RASSF8: variants seen among roughly 807,000 people sequenced by gnomAD.
RASSF8 encodes the protein Ras association domain family member 8.
Under a neutral mutation model 48.5 loss-of-function variants are expected in RASSF8, and 22 were observed. The observed-to-expected ratio is 0.45, with a 90% CI of 0.32 to 0.65. RASSF8 has a LOEUF of 0.65. Among genes scored for constraint, RASSF8 ranks in the 30% least tolerant of loss-of-function variants. RASSF8 has a pLI of 0.03. For missense variants in RASSF8, 418 were observed against 489.2 expected (o/e 0.85, Z 1.37); for synonymous variants, 127 against 171.5 (o/e 0.74, Z 2.03).
chr12:25,971,056 A>C (rs1158279816), intron 1 of RASSF8, among the ~76,000 whole-genome samples: 1 of 152,172 alleles, frequency 6.6e-6, no homozygotes, highest in Non-Finnish European at 1.5e-5. Flanking sequence ...TAAACAACTA[A>C]GCTTCTGAGA....
chr12:26,018,686 G>A (rs1301540149), intron 2 of RASSF8, among the ~76,000 whole-genome samples: 2 of 152,186 alleles, frequency 1.3e-5, no homozygotes, highest in Non-Finnish European at 2.9e-5. Context: ...GAGGAAAGAG[G>A]ATGAATACTG....
At chr12:26,025,613 CTG>C (rs1942894511) in intron 2 of RASSF8, among the ~76,000 whole-genome samples, 1 of 150,086 alleles carries the variant, frequency 6.7e-6, no homozygotes, top group Non-Finnish European at 1.5e-5. Flanking sequence ...AGAACTAACT[CTG>C]TTTGCAGAGA....
chr12:26,000,284 C>A (rs1291708327), intron 2 of RASSF8, among the ~76,000 whole-genome samples: 1 of 151,890 alleles, frequency 6.6e-6, no homozygotes, highest in Non-Finnish European at 1.5e-5. Context: ...AATACATATA[C>A]TAGAAAAGAG....
intron 2 of RASSF8, among the ~76,000 whole-genome samples, chr12:25,999,155 A>G (rs1592249081): frequency 6.6e-6 from 1 of 152,146 alleles, no homozygotes; most frequent in Non-Finnish European, 1.5e-5. Context: ...AGGTTTACCT[A>G]CCTAAACTAG....
chr12:26,007,080 T>C (rs1208816369), intron 2 of RASSF8, among the ~76,000 whole-genome samples: 1 of 150,900 alleles, frequency 6.6e-6, no homozygotes, highest in Non-Finnish European at 1.5e-5. Context: ...GCTTTAGGGG[T>C]GGCAAGTGAG....
intron 2 of RASSF8, among the ~76,000 whole-genome samples, chr12:26,012,100 T>G (rs1281922725): frequency 6.6e-6 from 1 of 152,212 alleles, no homozygotes; most frequent in Non-Finnish European, 1.5e-5. Flanking sequence ...TTAGTTAAAG[T>G]TCTGGTTCCA....
intron 1 of RASSF8, among the ~76,000 whole-genome samples, chr12:25,981,618 T>C (rs1941746757): frequency 6.6e-6 from 1 of 152,218 alleles, no homozygotes; most frequent in Non-Finnish European, 1.5e-5. Flanking sequence ...ATGGTCACCC[T>C]GCATAATGTT....
intron 1 of RASSF8, among the ~76,000 whole-genome samples, chr12:25,989,549 CATCTT>C (rs1941965961): frequency 6.6e-6 from 1 of 152,114 alleles, no homozygotes; most frequent in African/African-American, 2.4e-5. Context: ...TTCAAATAGT[CATCTT>C]ATAGCTTGTC....
At chr12:26,000,229 T>G (rs1459450118) in intron 2 of RASSF8, among the ~76,000 whole-genome samples, 1 of 152,170 alleles carries the variant, frequency 6.6e-6, no homozygotes, top group African/African-American at 2.4e-5. Flanking sequence ...AAGAATGTTG[T>G]GTTGATAAAA....
At chr12:26,029,809 C>T (rs1251318839) in intron 2 of RASSF8, among the ~76,000 whole-genome samples, 2 of 152,130 alleles carry the variant, frequency 1.3e-5, no homozygotes, top group African/African-American at 2.4e-5. Flanking sequence ...CAAACTATGA[C>T]GTCCGAGTTA....
intron 2 of RASSF8, among the ~76,000 whole-genome samples, chr12:26,050,213 A>G (rs1033451653): frequency 3.9e-5 from 6 of 152,212 alleles, no homozygotes; most frequent in Non-Finnish European, 7.3e-5. Flanking sequence ...TCTGCTTACA[A>G]TTTTTGAATG....
rs576168969 is a variant in RASSF8 at position 26,046,758 on chromosome 12, G to A, written c.-108-8478G>A. Among the ~76,000 whole-genome samples the A allele has an allele frequency of 3.9e-5, 6 of 152,288 alleles. No homozygotes were observed. In the South Asian group the frequency reaches 1.2e-3, roughly 32 times the overall value. ...TTGTTGCTAGATTCAGTAAAAGCAA[G>A]GTGTTACCATTTGGCTAGTTAGTTT... On this transcript the variant is annotated intron_variant, in intron 2 of 5. Coordinates refer to ENST00000689635, the MANE Select transcript of RASSF8 (RefSeq NM_001394098.1).
At chr12:26,018,831 C>T (rs1026933231) in intron 2 of RASSF8, among the ~76,000 whole-genome samples, 1 of 152,208 alleles carries the variant, frequency 6.6e-6, no homozygotes, top group Non-Finnish European at 1.5e-5. Flanking sequence ...TTTAGAATAA[C>T]TGCTTCATGA....
At chr12:26,013,435 G>T (rs1024054530) in intron 2 of RASSF8, among the ~76,000 whole-genome samples, 1 of 152,180 alleles carries the variant, frequency 6.6e-6, no homozygotes, top group Non-Finnish European at 1.5e-5. Context: ...ATTATATGGT[G>T]CTGTGAACTC....
At chr12:25,999,447 G>A (rs1303436668) in intron 2 of RASSF8, among the ~76,000 whole-genome samples, 1 of 152,152 alleles carries the variant, frequency 6.6e-6, no homozygotes, top group African/African-American at 2.4e-5. Flanking sequence ...TATCAGTAGT[G>A]TCTAAAATAG....
chr12:26,078,982 C>A (rs747919393), intron 5 of RASSF8: 11 of 1,502,728 alleles, frequency 7.3e-6, no homozygotes, highest in Non-Finnish European at 9.8e-6. Flanking sequence ...AAAACAAATT[C>A]ACCAACCTTA....
intron 3 of RASSF8, among the ~76,000 whole-genome samples, chr12:26,061,124 T>C (rs1943733008): frequency 1.3e-5 from 2 of 152,172 alleles, no homozygotes; most frequent in African/African-American, 4.8e-5. Context: ...GATGTAACTT[T>C]TAAATCATGA....
intron 1 of RASSF8, among the ~76,000 whole-genome samples, chr12:25,970,141 T>C (rs1407789947): frequency 6.6e-6 from 1 of 151,946 alleles, no homozygotes; most frequent in African/African-American, 2.4e-5. Flanking sequence ...TTTCATCAAG[T>C]TCTGAAAGGA....
chr12:25,989,394 C>G (rs917470667), intron 1 of RASSF8, among the ~76,000 whole-genome samples: 1 of 151,936 alleles, frequency 6.6e-6, no homozygotes, highest in African/African-American at 2.4e-5. Context: ...CCCCCCACCC[C>G]CTCTTTCTTT....
Sources: allele counts gnomAD v4.1 joint callset (sites outside exome capture counted in the v4.1 genomes callset), GRCh38; gene constraint gnomAD v4.1.1; transcripts MANE v1.5; gene names NCBI Gene and HGNC (gene_info 2026-07-23, HGNC 2026-07-21).